LCOR: variants seen among roughly 807,000 people sequenced by gnomAD.
LCOR encodes ligand-dependent corepressor.
Under a neutral mutation model 64.4 loss-of-function variants are expected in LCOR, and 14 were observed. The observed-to-expected ratio is 0.22, with a 90% CI of 0.14 to 0.34. The LOEUF (loss-of-function observed/expected upper bound fraction) is 0.34, where lower values mean the gene tolerates loss of function less well. Ranked by LOEUF, LCOR falls within the 10% of genes least tolerant of loss-of-function variation. The pLI is 1.00. For missense variants in LCOR, 1,686 were observed against 1,765.3 expected (o/e 0.96, Z 0.80); for synonymous variants, 643 against 642.5 (o/e 1.00, Z -0.01).
At chr10:96,853,078 G>A (rs957079040) in intron 2 of LCOR, among the ~76,000 whole-genome samples, 5 of 151,872 alleles carry the variant, frequency 3.3e-5, no homozygotes, top group African/African-American at 9.7e-5. Flanking sequence ...GTGGAGTCTC[G>A]CTCTGTTGCC....
chr10:96,853,890 C>T lies in LCOR; in HGVS notation c.-330+20411C>T, dbSNP rs556298011. Among the ~76,000 whole-genome samples the T allele has an allele frequency of 2.2e-4, 34 of 152,220 alleles. No homozygotes were observed. The South Asian group carries it at 7.1e-3, about 32-fold the overall frequency. On this transcript the variant is annotated intron_variant, in intron 2 of 7. Coordinates refer to ENST00000421806, the MANE Select transcript of LCOR (RefSeq NM_001346516.2). ...CAGCAGGAGAGAGAATGAATGCAAGCAGGGAAATGCCAATGCCTATAAAAC... is the reference window on the plus strand; with the variant it reads ...CAGCAGGAGAGAGAATGAATGCAAGTAGGGAAATGCCAATGCCTATAAAAC...
chr10:96,985,335 T>C lies in LCOR; in HGVS notation c.*201T>C, dbSNP rs1589351614. ...CCTTCTCTGAGGCTAAGGGAAGTTA[T>C]ATATTATATTCTGGTTGTTCCTTGG... On this transcript the variant is annotated 3_prime_UTR_variant, in exon 8 of 8. Coordinates refer to ENST00000421806, the MANE Select transcript of LCOR (RefSeq NM_001346516.2). The C allele has an allele frequency of 8.5e-6, 5 of 587,588 alleles. No individual in the cohort carries two copies. In the East Asian group the frequency reaches 1.7e-4, roughly 19 times the overall value. 36.4% of individuals were successfully genotyped at this position (587,588 alleles called of 1,614,324 possible).
At position 96,985,182 on chromosome 10, in the gene LCOR, T is replaced by G. The variant is rs1395697134; in HGVS notation, c.*48T>G. ...TAAAACTGTTCTATAGAAGTAACCT[T>G]TTATTTTGCATTAACTAAATCTGCT... is the stretch of plus-strand genomic sequence containing the variant. On this transcript the variant is annotated 3_prime_UTR_variant, in exon 8 of 8. Transcript: ENST00000421806. The G allele has an allele frequency of 6.6e-7, 1 of 1,513,586 alleles. No individual in the cohort carries two copies. The highest frequency in any genetic ancestry group is 8.8e-7 in the Non-Finnish European group (1 of 1,134,740). The allele number at this position is 1,513,586 out of a possible 1,614,324, so 93.8% of individuals were successfully genotyped here.
Position 96,983,086 on chromosome 10 carries a change from C to T in LCOR, c.2626C>T (p.His876Tyr), listed in dbSNP as rs1486718210. Residue 876 changes from histidine (H) to tyrosine (Y), a missense_variant, in exon 8 of 8, where the codon CAC becomes TAC. Physicochemically the swap from His to Tyr is moderately conservative, Grantham distance 83. Transcript: ENST00000421806. The surrounding 1 kb of genome is among the most constrained non-coding windows in gnomAD (Gnocchi z 4.5). ...TAAGGGCCTTCTACCTGACAGTTTCCACACGGAAACTCTGGAGGACACAGA... is the reference window on the plus strand; with the variant it reads ...TAAGGGCCTTCTACCTGACAGTTTCTACACGGAAACTCTGGAGGACACAGA... ...TPKGLLPDSF[H>Y]TETLEDTEKP... The T allele has an allele frequency of 6.2e-7, 1 of 1,613,502 alleles. No homozygotes were observed. The highest frequency in any genetic ancestry group is 1.7e-5 in the Admixed American group (1 of 59,992).
At chr10:96,899,982 T>G (rs1846605859) in intron 2 of LCOR, among the ~76,000 whole-genome samples, 1 of 152,142 alleles carries the variant, frequency 6.6e-6, no homozygotes. Flanking sequence ...TTCACCGATT[T>G]TTATTATAGT....
chr10:96,853,016 A>G (rs1329747790), intron 2 of LCOR, among the ~76,000 whole-genome samples: 1 of 152,186 alleles, frequency 6.6e-6, no homozygotes. Flanking sequence ...TGTAATGATA[A>G]TAGGAATACA....
At chr10:96,884,035 A>G (rs184409197) in intron 2 of LCOR, among the ~76,000 whole-genome samples, 28 of 147,362 alleles carry the variant, frequency 1.9e-4, no homozygotes, top group Admixed American at 1.5e-3. Flanking sequence ...ATACTGTTAA[A>G]TATATAATAA....
intron 2 of LCOR, among the ~76,000 whole-genome samples, chr10:96,873,450 G>A (rs928952267): frequency 4.6e-5 from 7 of 151,976 alleles, no homozygotes; most frequent in African/African-American, 7.3e-5. Context: ...TTCTCTCCAG[G>A]TTTATGAAAT....
At chr10:96,971,115 A>G (rs1297103500) in intron 7 of LCOR, among the ~76,000 whole-genome samples, 1 of 152,194 alleles carries the variant, frequency 6.6e-6, no homozygotes, top group Non-Finnish European at 1.5e-5. Context: ...GCCATTATGT[A>G]AACCATTTCA....
chr10:96,973,372 T>A (rs1460190734), intron 7 of LCOR, among the ~76,000 whole-genome samples: 1 of 152,204 alleles, frequency 6.6e-6, no homozygotes, highest in South Asian at 2.1e-4. Context: ...TACACAACTT[T>A]GTCATAACCT....
chr10:96,865,600 C>T (rs576170732), intron 2 of LCOR, among the ~76,000 whole-genome samples: 4 of 152,038 alleles, frequency 2.6e-5, no homozygotes, highest in Non-Finnish European at 4.4e-5. Context: ...CTGAGCCAGG[C>T]GCGGTGGCTC....
chr10:96,883,150 C>T (rs1000414603), intron 2 of LCOR, among the ~76,000 whole-genome samples: 19 of 152,226 alleles, frequency 1.2e-4, no homozygotes, highest in Non-Finnish European at 1.3e-4. Context: ...AATTCTGCCT[C>T]AGCCTCCTGA....
chr10:96,961,198 A>G (rs908986845), intron 7 of LCOR: 5 of 152,156 alleles, frequency 3.3e-5, no homozygotes, highest in Admixed American at 6.5e-5. Context: ...TAAAAATGAG[A>G]ATCGAGGCTA....
In LCOR at chr10:96,983,243, T is replaced by C. The variant is rs1589350253; in HGVS notation, c.2783T>C (p.Phe928Ser). The stretch of plus-strand genomic sequence containing the variant: ...GTCAAGGAGTTACGAGGAGAGATTT[T>C]CCCCAGCAGGGACCCCATAACCACA... Reference protein sequence around the residue: ...KEVKELRGEIFPSRDPITTAG... With the variant: ...KEVKELRGEISPSRDPITTAG... Residue 928 changes from phenylalanine (F) to serine (S), a missense_variant, in exon 8 of 8, where the codon TTC becomes TCC. Phe to Ser is a radical substitution (Grantham distance 155). This residue lies in a region of LCOR where 1,293 missense variants were observed against 1,410.4 expected (regional missense o/e 0.92). Transcript: ENST00000421806. This position sits in a 1 kb window ranked among gnomAD's most constrained non-coding sequence, Gnocchi z 4.5. 1 of 1,614,116 alleles carries C rather than the reference T, an allele frequency of 6.2e-7. No homozygotes were observed. Among genetic ancestry groups the C allele is most frequent in the Non-Finnish European group, 8.5e-7 (1 of 1,180,030 alleles).
chr10:96,956,614 G>A (rs1847788047), intron 7 of LCOR: 1 of 985,820 alleles, frequency 1.0e-6, no homozygotes, highest in Non-Finnish European at 1.2e-6. Context: ...ACTACCTTCA[G>A]AAATGCTTCA....
chr10:96,965,459 A>G (rs1012224627), intron 7 of LCOR, among the ~76,000 whole-genome samples: 1 of 150,488 alleles, frequency 6.6e-6, no homozygotes, highest in South Asian at 2.1e-4. Context: ...TCAGGAGATC[A>G]AGACCATCCT....
chr10:96,958,339 T>C (rs1368792684), intron 7 of LCOR: 4 of 1,532,034 alleles, frequency 2.6e-6, no homozygotes, highest in Admixed American at 3.9e-5. Flanking sequence ...AGTTGAGTTA[T>C]GTAAATTTTG....
chr10:96,846,281 G>T (rs1027479786), intron 2 of LCOR, among the ~76,000 whole-genome samples: 2 of 151,946 alleles, frequency 1.3e-5, no homozygotes, highest in African/African-American at 4.8e-5. Context: ...TTAAGACAGG[G>T]TCTTGCTCTG....
At chr10:96,938,315 A>G (rs919057482) in intron 4 of LCOR, among the ~76,000 whole-genome samples, 2 of 152,218 alleles carry the variant, frequency 1.3e-5, no homozygotes, top group African/African-American at 2.4e-5. Flanking sequence ...CCACATGATC[A>G]TCTCCGTAGA....
Sources: gnomAD v4.1 joint callset for allele counts (sites outside exome capture counted in the v4.1 genomes callset) on GRCh38, gnomAD v4.1.1 for gene constraint, gnomAD v4.1.1 regional missense constraint, Gnocchi (gnomAD v3.1) non-coding constraint, MANE v1.5 for transcripts, NCBI Gene and HGNC (gene_info 2026-07-23, HGNC 2026-07-21) for gene names.